The following MTCH2 variants were observed in gnomAD, a reference collection of about 807,000 sequenced individuals.
MTCH2 encodes the protein mitochondrial carrier homolog 2.
Under a neutral mutation model 50.6 loss-of-function variants are expected in MTCH2, and 25 were observed. That is an observed-to-expected ratio of 0.49 (90% confidence interval 0.36 to 0.69). The LOEUF is 0.69. MTCH2 is among the 30% of genes least tolerant of loss of function. The pLI, the probability that MTCH2 is intolerant of heterozygous loss-of-function variation, is 0.00. For synonymous variants in MTCH2, 106 were observed against 132.0 expected, an observed-to-expected ratio of 0.80 and a Z score of 1.35; for missense variants, 273 against 384.4, an observed-to-expected ratio of 0.71 and a Z score of 2.42.
chr11:47,638,914 G>A lies in MTCH2; in HGVS notation c.172+53C>T, dbSNP rs564658938. 236 of 1,575,628 alleles carry A rather than the reference G, an allele frequency of 1.5e-4. 2 individuals carry two copies. In the South Asian group the frequency reaches 2.5e-3, roughly 17 times the overall value. ...ATATTTTCTTTCAATAACAACTCCT[G>A]CCTATCACAGTCCTCAACGTCATGC... On this transcript the variant is annotated intron_variant, in intron 2 of 12. Coordinates refer to ENST00000302503, the MANE Select transcript of MTCH2 (RefSeq NM_014342.4).
At chr11:47,610,104 C>T in the MTCH2 span, among the ~76,000 whole-genome samples, 1 of 152,148 alleles carries the variant, frequency 6.6e-6, no homozygotes, top group Non-Finnish European at 1.5e-5. Context: ...CAAGGACATT[C>T]AGTGGATATT....
At chr11:47,611,074 T>C in the MTCH2 span, among the ~76,000 whole-genome samples, 489 of 152,360 alleles carry the variant, frequency 3.2e-3, 1 homozygote, top group South Asian at 7.9e-3. Flanking sequence ...TTTCACTTAA[T>C]CCTCCAATAC....
downstream of MTCH2, among the ~76,000 whole-genome samples, chr11:47,614,054 CAG>C (rs902598332): frequency 1.3e-4 from 19 of 151,420 alleles, no homozygotes; most frequent in African/African-American, 4.6e-4. Flanking sequence ...CACTGCAAGA[CAG>C]AGAGAGACCT....
chr11:47,625,735 C>T lies in MTCH2; in HGVS notation c.688G>A (p.Ala230Thr). The T allele has an allele frequency of 6.2e-7, 1 of 1,611,696 alleles. No individual in the cohort carries two copies. Among genetic ancestry groups the T allele is most frequent in the Non-Finnish European group, 8.5e-7 (1 of 1,178,394 alleles). The change falls in exon 11 of 13, where the codon GCG becomes ACG. Residue 230 changes from alanine (A) to threonine (T), a missense_variant. Around this residue, in one of 2 missense-constraint regions of MTCH2, gnomAD observed 70 missense variants for 140.1 expected, o/e 0.50. Transcript: ENST00000302503. ...ACAAAGGGATAGGTCAACATACTCGCAAAAAACTGTAAAATGGAAACAAGG... is the reference window on the plus strand; with the variant it reads ...ACAAAGGGATAGGTCAACATACTCGTAAAAAACTGTAAAATGGAAACAAGG... ...SYSQAVTGFF[A>T]SMLTYPFVLV...
At chr11:47,630,777 G>A (rs1364740154) in intron 7 of MTCH2, among the ~76,000 whole-genome samples, 163 bp from the exon 8 acceptor site, 1 of 152,166 alleles carries the variant, frequency 6.6e-6, no homozygotes, top group African/African-American at 2.4e-5. Flanking sequence ...TTTGGAGATA[G>A]AAGTGAAAAT....
At chr11:47,612,501 T>C (rs1024463285), downstream of MTCH2, among the ~76,000 whole-genome samples, 7 of 151,258 alleles carry the variant, frequency 4.6e-5, no homozygotes, top group African/African-American at 1.7e-4. Context: ...GAGGCAGAGG[T>C]TGCGGTGAGC....
intron 11 of MTCH2, 29 bp from the exon 12 acceptor site, chr11:47,622,805 C>G: frequency 9.4e-7 from 1 of 1,066,644 alleles, no homozygotes; most frequent in Non-Finnish European, 1.2e-6. Flanking sequence ...TGGAGCTATT[C>G]ATGTTAATAT....
chr11:47,620,002 G>A lies in MTCH2; in HGVS notation c.826-1083C>T, dbSNP rs12286933. Among the ~76,000 whole-genome samples the A allele has an allele frequency of 6.9e-3, 1,050 of 152,224 alleles. 15 individuals carry two copies. The highest frequency in any genetic ancestry group is 0.023 in the African/African-American group (973 of 41,540). The stretch of plus-strand genomic sequence containing the variant: ...TGAGGCAGGGGAATTGCTTGAACCT[G>A]GGAGGTGAAGGTTGCAGTGAGCCAA... On this transcript the variant is annotated intron_variant, in intron 12 of 12. Transcript: ENST00000302503.
intron 8 of MTCH2, 87 bp downstream of exon 8, chr11:47,630,468 A>G: frequency 8.5e-7 from 1 of 1,177,794 alleles, no homozygotes; most frequent in Non-Finnish European, 1.3e-6. Flanking sequence ...CGTTTTCCCC[A>G]AGGATTAAAC....
intron 1 of MTCH2, among the ~76,000 whole-genome samples, chr11:47,640,476 G>A (rs997843418): frequency 3.9e-5 from 6 of 152,088 alleles, no homozygotes; most frequent in African/African-American, 1.4e-4. Flanking sequence ...GAGTGCAGTG[G>A]CACGATCTAG....
rs759434593 is a variant in MTCH2 at position 47,618,789 on chromosome 11, T to G, written c.*44A>C. The G allele has an allele frequency of 2.0e-6, 3 of 1,528,776 alleles. No individual in the cohort carries two copies. The highest frequency in any genetic ancestry group is 2.7e-6 in the Non-Finnish European group (3 of 1,102,166). The allele number at this position is 1,528,776 out of a possible 1,614,324, so 94.7% of individuals were successfully genotyped here. On this transcript the variant is annotated 3_prime_UTR_variant, in exon 13 of 13. Coordinates refer to ENST00000302503, the MANE Select transcript of MTCH2 (RefSeq NM_014342.4). ...ATCAACATTCTCTCCCATAATTCTG[T>G]GCATCTGGGACTACAGAAATGTCAC...
chr11:47,612,644 G>A (rs762729437), downstream of MTCH2, among the ~76,000 whole-genome samples: 4 of 151,676 alleles, frequency 2.6e-5, no homozygotes, highest in Non-Finnish European at 5.9e-5. Context: ...AATCATCTGA[G>A]CTTGGGAAGT....
In MTCH2 at chr11:47,622,694, G is replaced by C. The variant is rs890745511; in HGVS notation, c.825+7C>G. 1 of 1,348,602 alleles carries C rather than the reference G, an allele frequency of 7.4e-7. No homozygotes were observed. The highest frequency in any genetic ancestry group is 9.6e-7 in the Non-Finnish European group (1 of 1,043,230). The allele number at this position is 1,348,602 out of a possible 1,614,324, so 83.5% of individuals were successfully genotyped here. ...ATAAAATGAGAGAGACAGAGAAAAA[G>C]AAATACCTCTTTTTGTAGCATGCAC... On this transcript the variant is annotated splice_region_variant and intron_variant, in intron 12 of 12. Transcript: ENST00000302503.
intron 3 of MTCH2, among the ~76,000 whole-genome samples, 154 bp downstream of exon 3, chr11:47,638,545 C>CAA (rs59317101): frequency 0.042 from 2,191 of 52,490 alleles, 168 homozygotes; most frequent in African/African-American, 0.13. Context: ...GACTCCATCT[C>CAA]AAAAAAAAAA....
At chr11:47,619,147 G>C (rs1251772371) in intron 12 of MTCH2, among the ~76,000 whole-genome samples, 1 of 152,242 alleles carries the variant, frequency 6.6e-6, no homozygotes, top group Non-Finnish European at 1.5e-5. Flanking sequence ...GCCCAGGTTG[G>C]ATTCTGGCTT....
At chr11:47,608,874 C>T in the MTCH2 span, among the ~76,000 whole-genome samples, 2 of 147,310 alleles carry the variant, frequency 1.4e-5, no homozygotes, top group Admixed American at 1.4e-4. Context: ...AGGAGAATGG[C>T]GTGAACCCGG....
chr11:47,635,855 TG>T (rs1304090090), intron 3 of MTCH2, among the ~76,000 whole-genome samples: 2 of 152,036 alleles, frequency 1.3e-5, no homozygotes, highest in Admixed American at 1.3e-4. Flanking sequence ...GGGACAGGTG[TG>T]GTTGCTCATG....
chr11:47,631,831 C>A, intron 5 of MTCH2, 120 bp from the exon 6 acceptor site: 1 of 975,516 alleles, frequency 1.0e-6, no homozygotes, highest in Non-Finnish European at 1.6e-6. Flanking sequence ...AGCCCTCCTG[C>A]CCTGGCTGGA....
At chr11:47,622,801 T>C in intron 11 of MTCH2, 25 bp from the exon 12 acceptor site, 1 of 1,461,604 alleles carries the variant, frequency 6.8e-7, no homozygotes, top group Non-Finnish European at 9.5e-7. Flanking sequence ...AACATGGAGC[T>C]ATTCATGTTA....
Sources: gnomAD v4.1 joint callset for allele counts (sites outside exome capture counted in the v4.1 genomes callset) on GRCh38, gnomAD v4.1.1 for gene constraint, gnomAD v4.1.1 regional missense constraint, MANE v1.5 for transcripts, NCBI Gene and HGNC (gene_info 2026-07-23, HGNC 2026-07-21) for gene names.